Variants in TBCA observed in about 807,000 individuals in gnomAD.
TBCA encodes the protein tubulin-specific chaperone A.
A neutral mutation model predicts 15.8 loss-of-function variants in TBCA; 6 were observed. The ratio of observed to expected loss-of-function variants is 0.38; its 90% confidence interval spans 0.21 to 0.75. The LOEUF (loss-of-function observed/expected upper bound fraction) is 0.75. Ranked by LOEUF, TBCA falls within the 30% of genes least tolerant of loss-of-function variation. TBCA has a pLI of 0.46. For synonymous variants in TBCA, 32 were observed against 42.3 expected (o/e 0.76, Z 0.94); for missense variants, 90 against 131.2 (o/e 0.69, Z 1.53).
At chr5:77,697,382 C>T (rs1413044772) in intron 2 of TBCA, among the ~76,000 whole-genome samples, 2 of 152,098 alleles carry the variant, frequency 1.3e-5, no homozygotes, top group African/African-American at 4.8e-5. Flanking sequence ...AAAACCCCAA[C>T]AATAACAAAA....
At chr5:77,763,179 G>A (rs993903371) in intron 1 of TBCA, among the ~76,000 whole-genome samples, 10 of 152,160 alleles carry the variant, frequency 6.6e-5, no homozygotes, top group Non-Finnish European at 1.5e-4. Context: ...GGGAGGCGGA[G>A]CTTGCAGTGA....
intron 1 of TBCA, among the ~76,000 whole-genome samples, chr5:77,712,550 A>C (rs1215219110): frequency 6.6e-6 from 1 of 152,188 alleles, no homozygotes; most frequent in Admixed American, 6.5e-5. Flanking sequence ...TGTAATGTAC[A>C]TATGTACATA....
At chr5:77,773,052 G>A (rs1747948210) in intron 1 of TBCA, among the ~76,000 whole-genome samples, 1 of 152,156 alleles carries the variant, frequency 6.6e-6, no homozygotes, top group African/African-American at 2.4e-5. Context: ...ACAGCACTCT[G>A]CAACACACCC....
chr5:77,756,554 G>T (rs1175610183), intron 1 of TBCA, among the ~76,000 whole-genome samples: 1 of 151,826 alleles, frequency 6.6e-6, no homozygotes, highest in African/African-American at 2.4e-5. Context: ...GGAAGGAAAG[G>T]CAATGAAGAC....
chr5:77,712,010 A>G (rs1452264568), intron 1 of TBCA, among the ~76,000 whole-genome samples: 1 of 152,164 alleles, frequency 6.6e-6, no homozygotes, highest in Non-Finnish European at 1.5e-5. Flanking sequence ...GAACCCAATA[A>G]TGCAAGCATG....
intron 1 of TBCA, among the ~76,000 whole-genome samples, chr5:77,720,741 GTCTA>G (rs1746512389): frequency 6.6e-6 from 1 of 151,986 alleles, no homozygotes; most frequent in Non-Finnish European, 1.5e-5. Context: ...AAAAAGCGAA[GTCTA>G]TCTTAGATGC....
chr5:77,725,090 C>A (rs183763172), intron 1 of TBCA, among the ~76,000 whole-genome samples: 1 of 152,052 alleles, frequency 6.6e-6, no homozygotes, highest in African/African-American at 2.4e-5. Flanking sequence ...TATTTGTAGA[C>A]GGATGATGTA....
chr5:77,720,611 G>A (rs1433383790), intron 1 of TBCA, among the ~76,000 whole-genome samples: 1 of 152,070 alleles, frequency 6.6e-6, no homozygotes, highest in Non-Finnish European at 1.5e-5. Context: ...CTACTTGGGA[G>A]GCTGAGGTAG....
chr5:77,723,790 C>A (rs928071505), intron 1 of TBCA, among the ~76,000 whole-genome samples: 1 of 151,948 alleles, frequency 6.6e-6, no homozygotes, highest in Non-Finnish European at 1.5e-5. Flanking sequence ...ATCTTAAATA[C>A]TTTGAAAAGA....
chr5:77,760,483 C>T (rs1018529374), intron 1 of TBCA, among the ~76,000 whole-genome samples: 7 of 152,076 alleles, frequency 4.6e-5, no homozygotes, highest in South Asian at 4.1e-4. Context: ...ACTGTACTGC[C>T]GTGATCTCGG....
At chr5:77,740,558 G>A (rs1243272465) in intron 1 of TBCA, among the ~76,000 whole-genome samples, 1 of 152,188 alleles carries the variant, frequency 6.6e-6, no homozygotes, top group African/African-American at 2.4e-5. Context: ...AAGAAGCCCA[G>A]GAGAAGATTG....
intron 1 of TBCA, among the ~76,000 whole-genome samples, chr5:77,758,477 GC>G (rs1747528578): frequency 6.6e-6 from 1 of 152,318 alleles, no homozygotes; most frequent in East Asian, 1.9e-4. Context: ...AGTGTTGTGA[GC>G]CCTTAAAAGG....
chr5:77,704,890 C>T lies in TBCA; in HGVS notation c.159+3352G>A, dbSNP rs77979277. ...TATTTCTGAATAAGTACTAAGTTGG[C>T]TATGAATCTAACAAATCCTGTTAAA... On this transcript the variant is annotated intron_variant, in intron 2 of 3. Coordinates refer to ENST00000380377, the MANE Select transcript of TBCA (RefSeq NM_004607.3). Among the ~76,000 whole-genome samples, 364 of 152,260 alleles carry T rather than the reference C, an allele frequency of 2.4e-3. 3 individuals carry two copies. Among genetic ancestry groups the T allele is most frequent in the Non-Finnish European group, 4.0e-3 (273 of 68,024 alleles).
intron 1 of TBCA, among the ~76,000 whole-genome samples, chr5:77,715,757 A>G (rs1746386117): frequency 6.6e-6 from 1 of 152,210 alleles, no homozygotes; most frequent in South Asian, 2.1e-4. Flanking sequence ...TGCTGTAAAA[A>G]GTGGGTAAGA....
Position 77,766,721 on chromosome 5 carries a change from TCTC to T in TBCA, c.53+9481_53+9483del, listed in dbSNP as rs1222912710. The stretch of plus-strand genomic sequence containing the variant: ...AGACGGGGTTTCACCGTGGTCTCGA[TCTC>T]CTGACCTCGTGATCCGCCCGCCTCG... On this transcript the variant is annotated intron_variant, in intron 1 of 3. Coordinates refer to ENST00000380377, the MANE Select transcript of TBCA (RefSeq NM_004607.3). Among the ~76,000 whole-genome samples the T allele has an allele frequency of 6.8e-3, 168 of 24,788 alleles. 65 individuals are homozygous for T. Among genetic ancestry groups the T allele is most frequent in the Non-Finnish European group, 0.011 (128 of 11,480 alleles). 16.3% of individuals were successfully genotyped at this position (24,788 alleles called of 152,430 possible).
intron 2 of TBCA, among the ~76,000 whole-genome samples, chr5:77,704,497 G>C (rs1746097090): frequency 6.6e-6 from 1 of 152,180 alleles, no homozygotes; most frequent in African/African-American, 2.4e-5. Context: ...ATAGTGTTTA[G>C]CTCAGAAGAG....
At chr5:77,704,671 T>C (rs1288255343) in intron 2 of TBCA, among the ~76,000 whole-genome samples, 2 of 147,886 alleles carry the variant, frequency 1.4e-5, no homozygotes, top group Non-Finnish European at 3.0e-5. Context: ...ACACCCATTG[T>C]ATATGATAAA....
rs1227695154 is a variant in TBCA at position 77,741,549 on chromosome 5, A to C, written c.54-33202T>G. Among the ~76,000 whole-genome samples, 3 of 152,200 alleles carry C rather than the reference A, an allele frequency of 2.0e-5. No homozygotes were observed. The East Asian group carries it at 5.8e-4, about 29-fold the overall frequency. On this transcript the variant is annotated intron_variant, in intron 1 of 3. Coordinates refer to ENST00000380377, the MANE Select transcript of TBCA (RefSeq NM_004607.3). ...TGGAAGACTTCAAGAAAGAAGTAAC[A>C]GCAAAAGAAAAAAAATAGATTTTTT... is the stretch of plus-strand genomic sequence containing the variant.
chr5:77,716,041 T>C (rs1043455579), intron 1 of TBCA, among the ~76,000 whole-genome samples: 1 of 152,226 alleles, frequency 6.6e-6, no homozygotes, highest in Non-Finnish European at 1.5e-5. Context: ...AACAGACCTT[T>C]AGGTACTGTA....
Sources: gnomAD v4.1 joint callset for allele counts (sites outside exome capture counted in the v4.1 genomes callset) on GRCh38, gnomAD v4.1.1 for gene constraint, MANE v1.5 for transcripts, NCBI Gene and HGNC (gene_info 2026-07-23, HGNC 2026-07-21) for gene names.